Variants in ATP6V1E2 observed in about 807,000 individuals in gnomAD.
ATP6V1E2 encodes V-type proton ATPase subunit E 2.
For synonymous variants in ATP6V1E2, 121 were observed against 104.2 expected, an observed-to-expected ratio of 1.16 and a Z score of -0.98; for missense variants, 308 against 273.3, an observed-to-expected ratio of 1.13 and a Z score of -0.90.
At chr2:46,524,675 T>C (rs1421862218) in intron 4 of ATP6V1E2, among the ~76,000 whole-genome samples, 1 of 152,056 alleles carries the variant, frequency 6.6e-6, no homozygotes, top group Non-Finnish European at 1.5e-5. Context: ...GAGGGAGTAG[T>C]AAGGATGGGC....
chr2:46,533,836 G>C (rs953241278), intron 4 of ATP6V1E2, among the ~76,000 whole-genome samples: 1 of 152,126 alleles, frequency 6.6e-6, no homozygotes, highest in Non-Finnish European at 1.5e-5. Flanking sequence ...GGTGGATATA[G>C]AATTCTAGAT....
In ATP6V1E2 at chr2:46,513,549, G is replaced by A. The variant is rs528220288; in HGVS notation, c.-101-737C>T. Among the ~76,000 whole-genome samples the A allele has an allele frequency of 2.0e-5, 3 of 152,258 alleles. No individual in the cohort carries two copies. The South Asian group carries it at 6.2e-4, about 32-fold the overall frequency. On this transcript the variant is annotated intron_variant, in intron 4 of 4. Coordinates refer to ENST00000522587, the MANE Select transcript of ATP6V1E2 (RefSeq NM_001318063.2). Reference sequence around the variant, plus strand: ...CTTTTATTTAAAAACTTTATGGCTGGGCGCAGTGGCTCACGCCTGTAATCC... The same window carrying A: ...CTTTTATTTAAAAACTTTATGGCTGAGCGCAGTGGCTCACGCCTGTAATCC...
intron 4 of ATP6V1E2, among the ~76,000 whole-genome samples, chr2:46,522,994 G>A (rs190919718): frequency 6.6e-6 from 1 of 152,226 alleles, no homozygotes; most frequent in Admixed American, 6.5e-5. Context: ...GAAGATCAGT[G>A]ATATTCAGCT....
chr2:46,523,308 C>T (rs1192596958), intron 4 of ATP6V1E2, among the ~76,000 whole-genome samples: 2 of 152,140 alleles, frequency 1.3e-5, no homozygotes, highest in East Asian at 1.9e-4. Context: ...GAAGTCTTTG[C>T]CCATTCCTAT....
intron 4 of ATP6V1E2, among the ~76,000 whole-genome samples, chr2:46,518,490 AAC>A (rs10546147): frequency 0.073 from 10,316 of 140,902 alleles, 954 homozygotes; most frequent in East Asian, 0.52. Context: ...ACACACACAC[AAC>A]ACACACACAC....
At chr2:46,520,489 C>T (rs1477686518) in intron 4 of ATP6V1E2, among the ~76,000 whole-genome samples, 3 of 152,360 alleles carry the variant, frequency 2.0e-5, no homozygotes, top group African/African-American at 4.8e-5. Context: ...ACTCGGCTCT[C>T]GTGAACCCTT....
Position 46,512,495 on chromosome 2 carries a change from A to G in ATP6V1E2, c.217T>C (p.Ser73Pro). The change falls in exon 5 of 5, where the codon TCC (serine) becomes CCC (proline). Residue 73 changes from serine (S) to proline (P), a missense_variant. By Grantham distance (74) the Ser-to-Pro change is moderately conservative. Transcript: ENST00000522587. ...AGCCTCGCCTGATTCCTCATGGTGGACATCAGGATTTTCTTCTGCTGCTCT... is the reference window on the plus strand; with the variant it reads ...AGCCTCGCCTGATTCCTCATGGTGGGCATCAGGATTTTCTTCTGCTGCTCT... ...QIEQQKKILMSTMRNQARLKV... is the reference protein window; with the variant it reads ...QIEQQKKILMPTMRNQARLKV... The G allele has an allele frequency of 3.1e-6, 5 of 1,614,108 alleles. No individual in the cohort carries two copies. The highest frequency in any genetic ancestry group is 3.4e-6 in the Non-Finnish European group (4 of 1,180,030).
chr2:46,537,823 T>C (rs567397640), intron 2 of ATP6V1E2, among the ~76,000 whole-genome samples: 1 of 152,316 alleles, frequency 6.6e-6, no homozygotes, highest in African/African-American at 2.4e-5. Context: ...CAAATGAATG[T>C]GTTTTAGAAC....
intron 4 of ATP6V1E2, among the ~76,000 whole-genome samples, chr2:46,532,129 A>C (rs1274313634): frequency 3.3e-5 from 5 of 152,146 alleles, no homozygotes; most frequent in African/African-American, 1.2e-4. Context: ...TTTCTCCTAA[A>C]AGTTTATGGT....
rs77361172 is a variant in ATP6V1E2 at position 46,532,422 on chromosome 2, T to C, written c.-102+3391A>G. ...ATGTATTTATGTATGTATTTATTTA[T>C]TTATAGTGATTGCTCTAGGTTTTAC... On this transcript the variant is annotated intron_variant, in intron 4 of 4. Transcript: ENST00000522587. 2.6e-5 allele frequency among the ~76,000 whole-genome samples: 4 copies of C among 152,262 alleles called. No homozygotes were observed. The East Asian group carries it at 7.7e-4, about 29-fold the overall frequency.
At position 46,512,462 on chromosome 2, in the gene ATP6V1E2, G is replaced by C; in HGVS notation, c.250C>G (p.Leu84Val). Residue 84 changes from leucine to valine, a missense_variant, in exon 5 of 5, where the codon CTG becomes GTG. Leu to Val is a conservative substitution (Grantham distance 32, BLOSUM62 1). Transcript: ENST00000522587. Reference sequence around the variant, plus strand: ...GAGATGAGGTCATTTCGGGCTCTCAGGACTTTCAGCCTCGCCTGATTCCTC... The same window carrying C: ...GAGATGAGGTCATTTCGGGCTCTCACGACTTTCAGCCTCGCCTGATTCCTC... Reference protein sequence around the residue: ...TMRNQARLKVLRARNDLISDL... With the variant: ...TMRNQARLKVVRARNDLISDL... The C allele has an allele frequency of 1.2e-6, 2 of 1,614,116 alleles. No individual in the cohort carries two copies. Among genetic ancestry groups the C allele is most frequent in the Non-Finnish European group, 1.7e-6 (2 of 1,180,028 alleles).
At chr2:46,518,711 T>C (rs1666434925) in intron 4 of ATP6V1E2, among the ~76,000 whole-genome samples, 2 of 151,910 alleles carry the variant, frequency 1.3e-5, no homozygotes, top group South Asian at 4.2e-4. Context: ...CTGCATTTTG[T>C]AACTACAGCA....
chr2:46,533,184 ATAGT>A (rs1344918489), intron 4 of ATP6V1E2, among the ~76,000 whole-genome samples: 1 of 148,454 alleles, frequency 6.7e-6, no homozygotes, highest in Non-Finnish European at 1.5e-5. Flanking sequence ...TATATCATAT[ATAGT>A]GTGTGCATGT....
intron 2 of ATP6V1E2, among the ~76,000 whole-genome samples, chr2:46,540,393 C>T (rs1353318072): frequency 6.9e-6 from 1 of 144,796 alleles, no homozygotes; most frequent in Non-Finnish European, 1.5e-5. Context: ...TGCACTCCAG[C>T]CTGAGCGACA....
At chr2:46,520,817 A>G (rs529573465) in intron 4 of ATP6V1E2, among the ~76,000 whole-genome samples, 75 of 151,662 alleles carry the variant, frequency 4.9e-4, no homozygotes, top group African/African-American at 1.7e-3. Context: ...TTTAACGTGG[A>G]TTGATTGGAT....
Position 46,527,511 on chromosome 2 carries a change from G to A in ATP6V1E2, c.-102+8302C>T, listed in dbSNP as rs150231408. 9.2e-3 allele frequency among the ~76,000 whole-genome samples: 1,400 copies of A among 152,004 alleles called. 19 individuals carry two copies. The highest frequency in any genetic ancestry group is 0.031 in the African/African-American group (1,270 of 41,434). The stretch of plus-strand genomic sequence containing the variant: ...GCTGGGATTACAGGCGGGAGCTACC[G>A]CGCCCGGCTAGTCCAACTAATTTTT... On this transcript the variant is annotated intron_variant, in intron 4 of 4. Transcript: ENST00000522587.
At chr2:46,538,004 T>C (rs924953284) in intron 2 of ATP6V1E2, among the ~76,000 whole-genome samples, 1 of 152,108 alleles carries the variant, frequency 6.6e-6, no homozygotes, top group Non-Finnish European at 1.5e-5. Context: ...GAAATCATAA[T>C]GTAGATGCCT....
At chr2:46,525,441 G>A (rs1466123557) in intron 4 of ATP6V1E2, among the ~76,000 whole-genome samples, 1 of 127,856 alleles carries the variant, frequency 7.8e-6, no homozygotes, top group Non-Finnish European at 1.6e-5. Context: ...CCGCCTGGGC[G>A]ACAGAACGAG....
chr2:46,513,447 G>A (rs1687570037), intron 4 of ATP6V1E2, among the ~76,000 whole-genome samples: 1 of 152,164 alleles, frequency 6.6e-6, no homozygotes, highest in South Asian at 2.1e-4. Flanking sequence ...TTGGTCTATA[G>A]CGTTGTTCAA....
Sources: allele counts gnomAD v4.1 joint callset (sites outside exome capture counted in the v4.1 genomes callset), GRCh38; gene constraint gnomAD v4.1.1; transcripts MANE v1.5; gene names NCBI Gene and HGNC (gene_info 2026-07-23, HGNC 2026-07-21).